The following BBIP1 variants were observed in gnomAD, a reference collection of about 807,000 sequenced individuals.
BBIP1 encodes the protein BBSome-interacting protein 1.
A neutral mutation model predicts 8.9 loss-of-function variants in BBIP1; 6 were observed. The observed-to-expected ratio is 0.67, with a 90% CI of 0.37 to 1.33. The LOEUF (loss-of-function observed/expected upper bound fraction) is 1.33. BBIP1 is among the 40% of genes most tolerant of loss of function. The pLI is 0.02. For synonymous variants in BBIP1, 32 were observed against 33.4 expected (o/e 0.96, Z 0.14); for missense variants, 111 against 109.2 (o/e 1.02, Z -0.07).
chr10:110,906,863 T>C (rs1337431926), intron 2 of BBIP1: 2 of 152,372 alleles, frequency 1.3e-5, no homozygotes, highest in East Asian at 3.9e-4. Context: ...CCCAGCCCTA[T>C]TCTTCATTTT....
chr10:110,908,554 G>A (rs184989607), intron 2 of BBIP1, among the ~76,000 whole-genome samples: 2 of 152,214 alleles, frequency 1.3e-5, no homozygotes, highest in Non-Finnish European at 2.9e-5. Context: ...TGAGGATCCT[G>A]AAGGATGGGG....
intron 2 of BBIP1, among the ~76,000 whole-genome samples, chr10:110,905,124 T>C (rs1846097831): frequency 6.6e-6 from 1 of 152,236 alleles, no homozygotes; most frequent in Non-Finnish European, 1.5e-5. Flanking sequence ...GAGCTGGATG[T>C]CTAAAATTAA....
At chr10:110,915,730 G>T (rs1846387161) in intron 2 of BBIP1, among the ~76,000 whole-genome samples, 1 of 151,878 alleles carries the variant, frequency 6.6e-6, no homozygotes. Flanking sequence ...TTGAGACAGG[G>T]TCTCGCTCTG....
chr10:110,907,140 G>T, intron 2 of BBIP1: 1 of 152,252 alleles, frequency 6.6e-6, no homozygotes, highest in Admixed American at 6.5e-5. Context: ...GCTCCTAAGA[G>T]ATGTTTATTT....
chr10:110,912,508 A>G (rs996700845), intron 2 of BBIP1, among the ~76,000 whole-genome samples: 3 of 152,216 alleles, frequency 2.0e-5, no homozygotes, highest in Non-Finnish European at 4.4e-5. Flanking sequence ...TCATCTAGCC[A>G]TCTGGAAAAT....
rs552869649 is a variant in BBIP1, at chr10:110,915,853, A to G, written c.37+2268T>C. ...TGAGTAGCTGGGACTACAGGTGTGC[A>G]TGACCAAACCTGGCCAATTTCTGCA... On this transcript the variant is annotated intron_variant, in intron 2 of 3. Transcript: ENST00000448814. Among the ~76,000 whole-genome samples the G allele has an allele frequency of 3.3e-5, 5 of 152,228 alleles. No individual in the cohort carries two copies. In the South Asian group the frequency reaches 1.0e-3, roughly 32 times the overall value.
chr10:110,918,580 G>C (rs1436898529), intron 1 of BBIP1, among the ~76,000 whole-genome samples: 2 of 152,246 alleles, frequency 1.3e-5, no homozygotes, highest in Non-Finnish European at 2.9e-5. Flanking sequence ...CCGTTTTGCC[G>C]GAGTTAGGAG....
chr10:110,906,094 C>T (rs1846128793), intron 2 of BBIP1, among the ~76,000 whole-genome samples: 1 of 151,788 alleles, frequency 6.6e-6, no homozygotes, highest in Admixed American at 6.6e-5. Context: ...GCTCCGCCTC[C>T]CGGGTTCATG....
At chr10:110,915,732 C>T (rs1044785187) in intron 2 of BBIP1, among the ~76,000 whole-genome samples, 2 of 151,856 alleles carry the variant, frequency 1.3e-5, no homozygotes, top group African/African-American at 4.8e-5. Context: ...GAGACAGGGT[C>T]TCGCTCTGTT....
intron 1 of BBIP1, 120 bp from the exon 2 acceptor site, chr10:110,918,333 C>A (rs7923004): frequency 0.94 from 552,377 of 587,456 alleles, 260,297 homozygotes; most frequent in East Asian, 1. Flanking sequence ...CCACCAGAAC[C>A]GCAGTCAAAG....
intron 2 of BBIP1, among the ~76,000 whole-genome samples, chr10:110,917,264 T>C (rs1846431738): frequency 6.7e-6 from 1 of 149,980 alleles, no homozygotes; most frequent in Non-Finnish European, 1.5e-5. Flanking sequence ...CTGGGTAAAT[T>C]AGGAAAATTA....
At chr10:110,905,292 G>A (rs11195373) in intron 2 of BBIP1, among the ~76,000 whole-genome samples, 2,952 of 151,254 alleles carry the variant, frequency 0.02, 81 homozygotes, top group African/African-American at 0.068. Flanking sequence ...GGCTGGGCGC[G>A]GTGGCTCACA....
At chr10:110,900,647 C>G in intron 3 of BBIP1, 121 bp from the exon 4 acceptor site, 1 of 816,562 alleles carries the variant, frequency 1.2e-6, no homozygotes, top group Non-Finnish European at 1.8e-6. Flanking sequence ...ACTCTTGTAC[C>G]TAAATTGAGT....
chr10:110,904,691 T>C (rs1441737178), intron 2 of BBIP1: 2 of 152,186 alleles, frequency 1.3e-5, no homozygotes, highest in Non-Finnish European at 2.9e-5. Flanking sequence ...AACACAAATG[T>C]GTAAAAATAA....
At chr10:110,902,877 T>C (rs1846038775) in intron 2 of BBIP1, 1 of 151,878 alleles carries the variant, frequency 6.6e-6, no homozygotes. Flanking sequence ...TCCTACCATA[T>C]TCTTTTCTTT....
chr10:110,906,066 G>C (rs1438205306), intron 2 of BBIP1, among the ~76,000 whole-genome samples: 1 of 148,824 alleles, frequency 6.7e-6, no homozygotes, highest in East Asian at 2.0e-4. Context: ...GCAGTGGCGC[G>C]ATCTTGGCTC....
intron 2 of BBIP1, chr10:110,908,292 T>C (rs887630128): frequency 3.9e-5 from 6 of 152,248 alleles, no homozygotes; most frequent in African/African-American, 1.4e-4. Flanking sequence ...ACTTGTAGAC[T>C]TGGCAAAAAT....
Position 110,918,148 on chromosome 10 carries a change from C to T in BBIP1, c.10G>A (p.Ala4Thr). 3.3e-6 allele frequency: 5 copies of T among 1,535,970 alleles called. No individual in the cohort carries two copies. The highest frequency in any genetic ancestry group is 4.4e-6 in the Non-Finnish European group (5 of 1,146,798). Residue 4 changes from alanine (A) to threonine (T), a missense_variant, in exon 2 of 4, where the codon GCT (alanine) becomes ACT (threonine). By Grantham distance (58) the Ala-to-Thr change is moderately conservative. Transcript: ENST00000448814. MLKAAAKRPELSGK... is the reference protein window; with the variant it reads MLKTAAKRPELSGK... ...GAAAGTTCTGGTCTTTTTGCTGCAGCTTTAAGCATCCAACCCGGTATTACC... is the reference window on the plus strand; with the variant it reads ...GAAAGTTCTGGTCTTTTTGCTGCAGTTTTAAGCATCCAACCCGGTATTACC...
chr10:110,907,624 T>A, intron 2 of BBIP1: 1 of 552,630 alleles, frequency 1.8e-6, no homozygotes, highest in Non-Finnish European at 3.2e-6. Flanking sequence ...AGGGAATGCA[T>A]TATCAGCAGA....
Sources: gnomAD v4.1 joint callset for allele counts (sites outside exome capture counted in the v4.1 genomes callset) on GRCh38, gnomAD v4.1.1 for gene constraint, MANE v1.5 for transcripts, NCBI Gene and HGNC (gene_info 2026-07-23, HGNC 2026-07-21) for gene names.